The following PTCHD4 variants were observed in gnomAD, a reference collection of about 807,000 sequenced individuals.
PTCHD4 encodes the protein patched domain containing 4.
In PTCHD4, 33 loss-of-function variants were observed where a neutral mutation model predicts 58.1. That is an observed-to-expected ratio of 0.57 (90% CI 0.43 to 0.76). The LOEUF (loss-of-function observed/expected upper bound fraction) is 0.76, where lower values mean the gene tolerates loss of function less well. PTCHD4 is among the 30% of genes least tolerant of loss of function. PTCHD4 has a pLI of 0.00. For missense variants in PTCHD4, 1,058 were observed against 1,027.1 expected (o/e 1.03, Z -0.41); for synonymous variants, 478 against 409.6 (o/e 1.17, Z -2.02).
At chr6:48,084,762 C>G (rs1765231329) in intron 1 of PTCHD4, among the ~76,000 whole-genome samples, 1 of 138,748 alleles carries the variant, frequency 7.2e-6, no homozygotes, top group African/African-American at 2.7e-5. Flanking sequence ...GAGACAGAGT[C>G]TCGCTTGGTC....
rs140314857 is a variant in PTCHD4, at chr6:47,974,542, T to C, written c.898+34092A>G. 2.0e-5 allele frequency among the ~76,000 whole-genome samples: 3 copies of C among 152,280 alleles called. No homozygotes were observed. The East Asian group carries it at 5.8e-4, about 29-fold the overall frequency. On this transcript the variant is annotated intron_variant, in intron 4 of 4. Coordinates refer to ENST00000339488, the MANE Select transcript of PTCHD4 (RefSeq NM_001384253.1). ...GTGGGGGGGGCTGTCCTGTGCATTG[T>C]AGTATGTTTAAAGCATTCTTGGTCT...
At chr6:47,906,182 C>A (rs1448753579) in intron 4 of PTCHD4, among the ~76,000 whole-genome samples, 1 of 152,198 alleles carries the variant, frequency 6.6e-6, no homozygotes, top group Non-Finnish European at 1.5e-5. Context: ...GAGTCCCAGC[C>A]ATTCCAAGAG....
intron 1 of PTCHD4, among the ~76,000 whole-genome samples, chr6:48,095,124 T>C (rs908483800): frequency 1.3e-5 from 2 of 152,210 alleles, no homozygotes; most frequent in African/African-American, 4.8e-5. Flanking sequence ...GAGGTATATA[T>C]GTGTCAAAAC....
intron 4 of PTCHD4, among the ~76,000 whole-genome samples, chr6:48,004,606 G>A (rs1762356210): frequency 6.6e-6 from 1 of 152,098 alleles, no homozygotes; most frequent in African/African-American, 2.4e-5. Flanking sequence ...ACTAAATGAG[G>A]TCCTTTCAAG....
Position 47,857,332 on chromosome 6 carries a change from G to A in PTCHD4, c.*20971C>T, listed in dbSNP as rs1048881434. Among the ~76,000 whole-genome samples the A allele has an allele frequency of 1.3e-5, 2 of 152,004 alleles. No individual in the cohort carries two copies. Among genetic ancestry groups the A allele is most frequent in the Non-Finnish European group, 2.9e-5 (2 of 67,986 alleles). ...CACATTGACGACACAAAGTTTCTGC[G>A]AATACGTAGTTTCATGTAGGGCATA... is the stretch of plus-strand genomic sequence containing the variant. On this transcript the variant is annotated 3_prime_UTR_variant, in exon 5 of 5. Transcript: ENST00000339488.
intron 3 of PTCHD4, among the ~76,000 whole-genome samples, chr6:48,046,864 G>A (rs1261754450): frequency 6.6e-6 from 1 of 151,806 alleles, no homozygotes; most frequent in East Asian, 1.9e-4. Context: ...AAAACAATCT[G>A]GGTTATTAAG....
At chr6:48,080,603 G>A (rs535261757) in intron 1 of PTCHD4, among the ~76,000 whole-genome samples, 5 of 152,280 alleles carry the variant, frequency 3.3e-5, no homozygotes, top group African/African-American at 1.2e-4. Flanking sequence ...TCTAGCAAAT[G>A]CCTGACACAT....
intron 4 of PTCHD4, among the ~76,000 whole-genome samples, chr6:47,891,425 C>G (rs1405341028): frequency 6.6e-6 from 1 of 151,638 alleles, no homozygotes; most frequent in Admixed American, 6.6e-5. Context: ...CAAAACGAGA[C>G]CCCTCCATAA....
chr6:47,955,615 A>G (rs2113956518), intron 4 of PTCHD4, among the ~76,000 whole-genome samples: 1 of 152,364 alleles, frequency 6.6e-6, no homozygotes, highest in African/African-American at 2.4e-5. Flanking sequence ...TCATGAAATC[A>G]AATCAGAAAA....
At chr6:48,003,531 C>A (rs147516904) in intron 4 of PTCHD4, among the ~76,000 whole-genome samples, 5 of 152,172 alleles carry the variant, frequency 3.3e-5, no homozygotes, top group Non-Finnish European at 4.4e-5. Context: ...CCTGCTCCCA[C>A]GCTATTTCAC....
At chr6:47,969,376 A>G (rs1767416427) in intron 4 of PTCHD4, among the ~76,000 whole-genome samples, 1 of 152,260 alleles carries the variant, frequency 6.6e-6, no homozygotes, top group Non-Finnish European at 1.5e-5. Context: ...TCATGGGTTT[A>G]GATAATATCT....
chr6:48,107,957 G>A (rs1190216579), intron 1 of PTCHD4, among the ~76,000 whole-genome samples: 1 of 152,192 alleles, frequency 6.6e-6, no homozygotes, highest in Non-Finnish European at 1.5e-5. Flanking sequence ...AACAACAGGT[G>A]CTGGAGAGGA....
chr6:47,921,928 T>C (rs1183298033), intron 4 of PTCHD4, among the ~76,000 whole-genome samples: 1 of 139,156 alleles, frequency 7.2e-6, no homozygotes, highest in Non-Finnish European at 1.5e-5. Flanking sequence ...CTGGGCAGCA[T>C]AGCAAGACAC....
chr6:48,095,540 C>T (rs553809213), intron 1 of PTCHD4, among the ~76,000 whole-genome samples: 2 of 151,848 alleles, frequency 1.3e-5, no homozygotes, highest in Admixed American at 6.6e-5. Context: ...AAAAAATTAA[C>T]CGGGTGTGGC....
Position 47,878,278 on chromosome 6 carries a change from AAAAT to A in PTCHD4, c.*21_*24del. 2 of 1,537,252 alleles carry A rather than the reference AAAAT, an allele frequency of 1.3e-6. No homozygotes were observed. Reference sequence around the variant, plus strand: ...CATCATTGTGCAATACTGGAAAAGAAAAATAATCCACTGGTCTATACCCCTCATA... The same window carrying A: ...CATCATTGTGCAATACTGGAAAAGAAAATCCACTGGTCTATACCCCTCATA... On this transcript the variant is annotated 3_prime_UTR_variant, in exon 5 of 5. Transcript: ENST00000339488.
intron 1 of PTCHD4, among the ~76,000 whole-genome samples, chr6:48,084,249 C>T (rs1231773139): frequency 6.6e-6 from 1 of 152,112 alleles, no homozygotes; most frequent in African/African-American, 2.4e-5. Flanking sequence ...TAAAAGGAAT[C>T]TCTGTATTCT....
chr6:48,061,483 C>T (rs1013159577), intron 3 of PTCHD4, among the ~76,000 whole-genome samples: 10 of 152,176 alleles, frequency 6.6e-5, no homozygotes, highest in African/African-American at 2.4e-4. Flanking sequence ...TTCCAAATCA[C>T]ATCATGAATT....
chr6:47,903,294 A>C (rs966961899), intron 4 of PTCHD4, among the ~76,000 whole-genome samples: 1 of 143,148 alleles, frequency 7.0e-6, no homozygotes, highest in African/African-American at 2.6e-5. Context: ...TTAATTAATT[A>C]ATTAATTCAT....
At chr6:47,881,724 G>A (rs769189671) in intron 4 of PTCHD4, among the ~76,000 whole-genome samples, 7 of 152,100 alleles carry the variant, frequency 4.6e-5, no homozygotes, top group African/African-American at 1.7e-4. Flanking sequence ...GCAAATATTT[G>A]ATTTTTAAAG....
Sources: gnomAD v4.1 joint callset for allele counts (sites outside exome capture counted in the v4.1 genomes callset) on GRCh38, gnomAD v4.1.1 for gene constraint, MANE v1.5 for transcripts, NCBI Gene and HGNC (gene_info 2026-07-23, HGNC 2026-07-21) for gene names.